The following IL18RAP variants were observed in gnomAD, a reference collection of about 807,000 sequenced individuals.
IL18RAP encodes interleukin 18 receptor accessory protein, also known as interleukin-18 receptor accessory protein.
A neutral mutation model predicts 58.1 loss-of-function variants in IL18RAP; 37 were observed. The ratio of observed to expected loss-of-function variants is 0.64; its 90% CI spans 0.49 to 0.84. IL18RAP has a LOEUF of 0.84. Among genes scored for constraint, IL18RAP ranks in the 40% least tolerant of loss-of-function variants. The probability of loss-of-function intolerance (pLI) is 0.00; values close to 1 mark genes in which losing one functional copy is unlikely to be tolerated. For missense variants in IL18RAP, 667 were observed against 704.8 expected (o/e 0.95, Z 0.61); for synonymous variants, 268 against 257.5 (o/e 1.04, Z -0.39).
In IL18RAP at chr2:102,452,229, T is replaced by C; in HGVS notation, c.*48T>C. On this transcript the variant is annotated 3_prime_UTR_variant, in exon 10 of 10. Coordinates refer to ENST00000687160, the MANE Select transcript of IL18RAP (RefSeq NM_001393487.1). ...AGTCCAGTCCCTGGGATAGAGATGT[T>C]GCTGGACAGAACTCACAGCTCTGTG... is the stretch of plus-strand genomic sequence containing the variant. The C allele has an allele frequency of 6.7e-7, 1 of 1,503,722 alleles. No homozygotes were observed. The highest frequency in any genetic ancestry group is 9.0e-7 in the Non-Finnish European group (1 of 1,116,792). 93.1% of individuals were successfully genotyped at this position (1,503,722 alleles called of 1,614,324 possible).
At chr2:102,439,777 A>C (rs758000314) in intron 4 of IL18RAP, 13 of 152,230 alleles carry the variant, frequency 8.5e-5, no homozygotes, top group Non-Finnish European at 1.6e-4. Context: ...TATTAGGCTT[A>C]AAAGGACTTT....
chr2:102,429,828 G>T (rs1682217830), intron 3 of IL18RAP, among the ~76,000 whole-genome samples: 2 of 151,722 alleles, frequency 1.3e-5, no homozygotes, highest in Non-Finnish European at 2.9e-5. Flanking sequence ...TATCCCATTG[G>T]TTGTTTAGGA....
intron 7 of IL18RAP, among the ~76,000 whole-genome samples, chr2:102,446,374 G>C (rs1375571602): frequency 1.3e-5 from 2 of 152,010 alleles, no homozygotes; most frequent in Non-Finnish European, 2.9e-5. Flanking sequence ...AAAATCTTTA[G>C]ATTTTTGAGA....
At chr2:102,422,186 T>C (rs1349514506), upstream of IL18RAP, among the ~76,000 whole-genome samples, 1 of 152,156 alleles carries the variant, frequency 6.6e-6, no homozygotes, top group Non-Finnish European at 1.5e-5. Flanking sequence ...CCAAGACTCT[T>C]TGGTGGACAC....
At chr2:102,441,280 T>C (rs1683086103) in intron 4 of IL18RAP, 32 bp from the exon 5 acceptor site, 1 of 1,580,766 alleles carries the variant, frequency 6.3e-7, no homozygotes, top group African/African-American at 1.3e-5. Context: ...GACTTTCCAA[T>C]GCAAATAGTA....
At chr2:102,450,683 G>C (rs11123929) in intron 8 of IL18RAP, among the ~76,000 whole-genome samples, 165 bp from the exon 9 acceptor site, 2 of 151,874 alleles carry the variant, frequency 1.3e-5, no homozygotes, top group Non-Finnish European at 2.9e-5. Context: ...AATCAATACC[G>C]CTCAGTGGTA....
intron 3 of IL18RAP, among the ~76,000 whole-genome samples, chr2:102,433,044 G>A (rs1682489568): frequency 6.6e-6 from 1 of 151,782 alleles, no homozygotes; most frequent in Admixed American, 6.6e-5. Context: ...TCCTGTACTG[G>A]CCTAGGGCAC....
Position 102,452,022 on chromosome 2 carries a change from C to A in IL18RAP, c.1641C>A (p.Pro547=). 6.2e-7 allele frequency: 1 copy of A among 1,614,128 alleles called. No individual in the cohort carries two copies. The highest frequency in any genetic ancestry group is 8.5e-7 in the Non-Finnish European group (1 of 1,180,050). Residue 547 remains proline (P), a synonymous_variant, in exon 10 of 10, where the codon CCC becomes CCA. Coordinates refer to ENST00000687160, the MANE Select transcript of IL18RAP (RefSeq NM_001393487.1). The stretch of plus-strand genomic sequence containing the variant: ...GGAGAGGCTTAAAATCAGTTCCTCC[C>A]AATTCTAGGTTCTGGGCCAAAATGC... ...VTWRGLKSVP[P]NSRFWAKMRY... is the part of the protein sequence containing the mutation.
chr2:102,423,260 C>T lies in IL18RAP; in HGVS notation c.-18C>T, dbSNP rs751698766. ...AGGAATGAAGTTATTGGAGTGATGA[C>T]AGGAACACGGGAGAACAATGCTCTG... On this transcript the variant is annotated 5_prime_UTR_variant, in exon 1 of 10. Coordinates refer to ENST00000687160, the MANE Select transcript of IL18RAP (RefSeq NM_001393487.1). 3 of 1,613,156 alleles carry T rather than the reference C, an allele frequency of 1.9e-6. No individual in the cohort carries two copies. Among genetic ancestry groups the T allele is most frequent in the Non-Finnish European group, 2.5e-6 (3 of 1,179,098 alleles).
At chr2:102,434,571 G>A (rs1434043854) in intron 3 of IL18RAP, 1 of 152,164 alleles carries the variant, frequency 6.6e-6, no homozygotes, top group Non-Finnish European at 1.5e-5. Context: ...TAACACCAGG[G>A]ACAGAGTGCT....
chr2:102,450,654 A>G (rs1259362258), intron 8 of IL18RAP, among the ~76,000 whole-genome samples, 194 bp from the exon 9 acceptor site: 1 of 152,154 alleles, frequency 6.6e-6, no homozygotes, highest in Non-Finnish European at 1.5e-5. Context: ...CATAAATTAG[A>G]ATTCGATTTG....
At chr2:102,447,014 G>A (rs545136325) in intron 7 of IL18RAP, 56 bp from the exon 8 acceptor site, 1 of 1,583,720 alleles carries the variant, frequency 6.3e-7, no homozygotes, top group African/African-American at 1.3e-5. Context: ...CCTGAACATG[G>A]TCTTGGTCCA....
At chr2:102,430,223 A>C (rs924329619) in intron 3 of IL18RAP, among the ~76,000 whole-genome samples, 9 of 152,026 alleles carry the variant, frequency 5.9e-5, no homozygotes, top group African/African-American at 2.2e-4. Flanking sequence ...AATGCGTTAT[A>C]TATTTAAGCG....
intron 8 of IL18RAP, among the ~76,000 whole-genome samples, chr2:102,448,369 C>A (rs1683559226): frequency 6.6e-6 from 1 of 152,190 alleles, no homozygotes; most frequent in East Asian, 1.9e-4. Context: ...AGTGCTATTA[C>A]TATTAATGAA....
At position 102,424,261 on chromosome 2, in the gene IL18RAP, G is replaced by T. The variant is rs1341556071; in HGVS notation, c.426G>T (p.Lys142Asn). 1 of 1,614,068 alleles carries T rather than the reference G, an allele frequency of 6.2e-7. No homozygotes were observed. Among genetic ancestry groups the T allele is most frequent in the Middle Eastern group, 1.6e-4 (1 of 6,062 alleles). ...KSPYDVACCV[K>N]MILEVKPQTN... ...CCTATGATGTAGCCTGTTGTGTCAA[G>T]ATGATTTTAGAAGTTAAGCCCCAGA... is the stretch of plus-strand genomic sequence containing the variant. Residue 142 changes from lysine to asparagine, a missense_variant, in exon 3 of 10, where the codon AAG becomes AAT. Lys to Asn is a moderately conservative substitution (Grantham distance 94). Coordinates refer to ENST00000687160, the MANE Select transcript of IL18RAP (RefSeq NM_001393487.1).
chr2:102,447,782 GT>G (rs1465306037), intron 8 of IL18RAP, among the ~76,000 whole-genome samples: 3 of 151,944 alleles, frequency 2.0e-5, no homozygotes, highest in Non-Finnish European at 4.4e-5. Flanking sequence ...CCAGGCTGGA[GT>G]GCGGTGGCAC....
In IL18RAP at chr2:102,424,248, C is replaced by A. The variant is rs746122778; in HGVS notation, c.413C>A (p.Ala138Asp). Residue 138 changes from alanine to aspartate, a missense_variant, in exon 3 of 10, where the codon GCC becomes GAC. Transcript: ENST00000687160. ...TTTCCTAGGAGCCCCTATGATGTAG[C>A]CTGTTGTGTCAAGATGATTTTAGAA... ...PKMIKSPYDV[A>D]CCVKMILEVK... is the part of the protein sequence containing the mutation. The A allele has an allele frequency of 6.2e-7, 1 of 1,613,998 alleles. No homozygotes were observed. Among genetic ancestry groups the A allele is most frequent in the Admixed American group, 1.7e-5 (1 of 60,004 alleles).
intron 3 of IL18RAP, among the ~76,000 whole-genome samples, chr2:102,436,806 T>TGC (rs1491504557): frequency 6.6e-5 from 3 of 45,516 alleles, no homozygotes; most frequent in African/African-American, 5.1e-4. Context: ...TGTATATATA[T>TGC]GTGTGTGTGT....
At position 102,451,029 on chromosome 2, in the gene IL18RAP, C is replaced by T. The variant is rs1436815290; in HGVS notation, c.1384+8C>T. 6.4e-7 allele frequency: 1 copy of T among 1,568,100 alleles called. No individual in the cohort carries two copies. The highest frequency in any genetic ancestry group is 8.6e-7 in the Non-Finnish European group (1 of 1,159,792). On this transcript the variant is annotated splice_region_variant and intron_variant, in intron 9 of 9. Transcript: ENST00000687160. ...ATGTGGCTCCAGGAGGAGGTAAGTCCAACATGTCAAGAAAAACTGCAGTGC... is the reference window on the plus strand; with the variant it reads ...ATGTGGCTCCAGGAGGAGGTAAGTCTAACATGTCAAGAAAAACTGCAGTGC...
Sources: gnomAD v4.1 joint callset for allele counts (sites outside exome capture counted in the v4.1 genomes callset) on GRCh38, gnomAD v4.1.1 for gene constraint, MANE v1.5 for transcripts, NCBI Gene and HGNC (gene_info 2026-07-23, HGNC 2026-07-21) for gene names.